The following MMP21 variants were observed in gnomAD, a reference collection of about 807,000 sequenced individuals.
MMP21 encodes the protein matrix metallopeptidase 21.
MMP21 carries 40 observed loss-of-function variants against 47.8 expected under a neutral mutation model. The ratio of observed to expected loss-of-function variants is 0.84; its 90% CI spans 0.65 to 1.09. MMP21 has a LOEUF of 1.09. Ranked by LOEUF, MMP21 falls within the 50% of genes least tolerant of loss-of-function variation. MMP21 has a pLI of 0.00. For synonymous variants in MMP21, 341 were observed against 318.0 expected (o/e 1.07, Z -0.77); for missense variants, 747 against 775.3 (o/e 0.96, Z 0.43).
At chr10:125,775,480 A>T (rs1850506181) in intron 1 of MMP21, among the ~76,000 whole-genome samples, 180 bp downstream of exon 1, 1 of 152,146 alleles carries the variant, frequency 6.6e-6, no homozygotes, top group South Asian at 2.1e-4. Context: ...TTAAGCATCG[A>T]TTCATGGTTG....
Position 125,772,787 on chromosome 10 carries a change from AT to A in MMP21, c.698-38del. On this transcript the variant is annotated intron_variant, in intron 2 of 6. Coordinates refer to ENST00000368808, the MANE Select transcript of MMP21 (RefSeq NM_147191.1). This position sits in a 1 kb window ranked among gnomAD's most constrained non-coding sequence, Gnocchi z 5.6. ...GAGGAGGAGTTGGTCCCGGTGAAGG[AT>A]GAGTGCCCCCCATACAGACTCCTCA... 5 of 1,605,766 alleles carry A rather than the reference AT, an allele frequency of 3.1e-6. No individual in the cohort carries two copies. The highest frequency in any genetic ancestry group is 4.2e-6 in the Non-Finnish European group (5 of 1,176,748).
At position 125,772,155 on chromosome 10, in the gene MMP21, C is replaced by G; in HGVS notation, c.979+63G>C. The G allele has an allele frequency of 6.3e-7, 1 of 1,593,344 alleles. No individual in the cohort carries two copies. Among genetic ancestry groups the G allele is most frequent in the Non-Finnish European group, 8.6e-7 (1 of 1,165,104 alleles). ...TTCCCAGTGAGGAGTGAGCGGGGTC[C>G]TACAGTGCTCTGGAATACAGTGTCC... On this transcript the variant is annotated intron_variant, in intron 4 of 6. Coordinates refer to ENST00000368808, the MANE Select transcript of MMP21 (RefSeq NM_147191.1). The surrounding 1 kb of genome is among the most constrained non-coding windows in gnomAD (Gnocchi z 5.6).
rs1850507573 is a variant in MMP21, at chr10:125,775,588, C to CGCGCGTGCGCATGTGCCTGTGT, written c.162+50_162+71dup. On this transcript the variant is annotated intron_variant, in intron 1 of 6. Coordinates refer to ENST00000368808, the MANE Select transcript of MMP21 (RefSeq NM_147191.1). ...GCCGGCATCCTGGCCTGTGCCTGTG[C>CGCGCGTGCGCATGTGCCTGTGT]GCGCGTGCGCATGTGCCTGTGTGCA... 13 of 1,483,934 alleles carry CGCGCGTGCGCATGTGCCTGTGT rather than the reference C, an allele frequency of 8.8e-6. No homozygotes were observed. The East Asian group carries it at 2.0e-4, about 23-fold the overall frequency. The allele number at this position is 1,483,934 out of a possible 1,614,324, so 91.9% of individuals were successfully genotyped here.
intron 5 of MMP21, 48 bp downstream of exon 5, chr10:125,770,286 T>G (rs769792888): frequency 1.3e-6 from 2 of 1,591,176 alleles, no homozygotes; most frequent in Non-Finnish European, 1.7e-6. Flanking sequence ...TCCTTCTGAG[T>G]GCATTCGTTT....
chr10:125,768,419 G>A (rs571862916), intron 5 of MMP21, among the ~76,000 whole-genome samples: 9 of 152,258 alleles, frequency 5.9e-5, no homozygotes, highest in East Asian at 1.9e-4. Context: ...TGCTCATTTC[G>A]TGCTCTAAAT....
chr10:125,774,451 G>T, intron 1 of MMP21, 86 bp from the exon 2 acceptor site: 1 of 936,304 alleles, frequency 1.1e-6, no homozygotes, highest in Non-Finnish European at 1.4e-6. Flanking sequence ...GAGAGACAGA[G>T]ACATGGGGAT....
chr10:125,770,656 T>C, intron 4 of MMP21, 65 bp from the exon 5 acceptor site: 1 of 1,561,338 alleles, frequency 6.4e-7, no homozygotes, highest in South Asian at 1.2e-5. Flanking sequence ...TATTTTCATA[T>C]GTGACTTGAA....
At position 125,767,680 on chromosome 10, in the gene MMP21, C is replaced by T; in HGVS notation, c.1262G>A (p.Ser421Asn). ...FQGNQYWRYD[S>N]DKDQALTEDE... ...TTCTGTGAGGGCCTGATCCTTGTCACTGTCATATCTCCAGTATTGATTTCC... is the reference window on the plus strand; with the variant it reads ...TTCTGTGAGGGCCTGATCCTTGTCATTGTCATATCTCCAGTATTGATTTCC... The change falls in exon 6 of 7, where the codon AGT (serine) becomes AAT (asparagine). Residue 421 changes from serine (S) to asparagine (N), a missense_variant. By Grantham distance (46) the Ser-to-Asn change is conservative. Coordinates refer to ENST00000368808, the MANE Select transcript of MMP21 (RefSeq NM_147191.1). 1.9e-6 allele frequency: 3 copies of T among 1,614,190 alleles called. No individual in the cohort carries two copies. The highest frequency in any genetic ancestry group is 2.5e-6 in the Non-Finnish European group (3 of 1,180,034).
chr10:125,775,130 G>A (rs922276948), intron 1 of MMP21, among the ~76,000 whole-genome samples: 4 of 152,174 alleles, frequency 2.6e-5, no homozygotes, highest in Non-Finnish European at 4.4e-5. Flanking sequence ...GGCCTCATGG[G>A]TCCACTCCCT....
Position 125,767,540 on chromosome 10 carries a change from C to G in MMP21, c.1402G>C (p.Glu468Gln). The change falls in exon 6 of 7, where the codon GAG (glutamate) becomes CAG (glutamine). Residue 468 changes from glutamate to glutamine, a missense_variant. Coordinates refer to ENST00000368808, the MANE Select transcript of MMP21 (RefSeq NM_147191.1). ...RRQKLIYFFK[E>Q]SLVFAFDVNR... ...AAGAGCCTTCTACTTACAAGGGACT[C>G]CTTGAAGAAGTAAATTAACTTCTGT... The G allele has an allele frequency of 6.2e-7, 1 of 1,614,048 alleles. No homozygotes were observed. The highest frequency in any genetic ancestry group is 1.1e-5 in the South Asian group (1 of 91,086).
chr10:125,773,992 C>T lies in MMP21; in HGVS notation c.536G>A (p.Arg179Gln). 6.4e-7 allele frequency: 1 copy of T among 1,559,266 alleles called. No homozygotes were observed. The highest frequency in any genetic ancestry group is 2.4e-5 in the East Asian group (1 of 41,034). ...GCTGCTCAGGGCCTCGCCCAGCAGC[C>T]GCCAGCTCAGCGTCCTCTTGGAGAA... is the stretch of plus-strand genomic sequence containing the variant. ...QAFSKRTLSWRLLGEALSSQL... is the reference protein window; with the variant it reads ...QAFSKRTLSWQLLGEALSSQL... Residue 179 changes from arginine (R) to glutamine (Q), a missense_variant, in exon 2 of 7, where the codon CGG (arginine) becomes CAG (glutamine). Physicochemically the swap from Arg to Gln is conservative, Grantham distance 43. Coordinates refer to ENST00000368808, the MANE Select transcript of MMP21 (RefSeq NM_147191.1). The surrounding 1 kb of genome is among the most constrained non-coding windows in gnomAD (Gnocchi z 4.8).
In MMP21 at chr10:125,772,469, C is replaced by T. The variant is rs1850459663; in HGVS notation, c.838-110G>A. The T allele has an allele frequency of 8.3e-6, 13 of 1,566,900 alleles. No individual in the cohort carries two copies. The South Asian group carries it at 1.3e-4, about 15-fold the overall frequency. ...GGAGCGTTGCTTGTGAAGAGGGGAG[C>T]ACCGGTGGAACTGGGGAGCCATTCC... On this transcript the variant is annotated intron_variant, in intron 3 of 6. Coordinates refer to ENST00000368808, the MANE Select transcript of MMP21 (RefSeq NM_147191.1). The surrounding 1 kb of genome is among the most constrained non-coding windows in gnomAD (Gnocchi z 5.6).
chr10:125,772,762 G>T lies in MMP21; in HGVS notation c.698-12C>A. ...GCCCAGGTGCCGGCCTGGCGAGGGG[G>T]AGGAGGAGTTGGTCCCGGTGAAGGA... On this transcript the variant is annotated splice_polypyrimidine_tract_variant and intron_variant, in intron 2 of 6. Coordinates refer to ENST00000368808, the MANE Select transcript of MMP21 (RefSeq NM_147191.1). The surrounding 1 kb of genome is among the most constrained non-coding windows in gnomAD (Gnocchi z 5.6). The T allele has an allele frequency of 1.2e-6, 2 of 1,610,828 alleles. No homozygotes were observed. Among genetic ancestry groups the T allele is most frequent in the Non-Finnish European group, 1.7e-6 (2 of 1,178,376 alleles).
In MMP21 at chr10:125,766,623, A is replaced by G; in HGVS notation, c.*39T>C. 6.7e-7 allele frequency: 1 copy of G among 1,491,592 alleles called. No individual in the cohort carries two copies. Among genetic ancestry groups the G allele is most frequent in the Non-Finnish European group, 8.9e-7 (1 of 1,118,392 alleles). 92.4% of individuals were successfully genotyped at this position (1,491,592 alleles called of 1,614,324 possible). A position where few individuals can be genotyped will look rare whatever the true frequency, so the allele number is the denominator to read the frequency against. On this transcript the variant is annotated 3_prime_UTR_variant, in exon 7 of 7. Coordinates refer to ENST00000368808, the MANE Select transcript of MMP21 (RefSeq NM_147191.1). ...TCTTTGTAAACAGTATCAGAATTTT[A>G]GCGAAGTCCTATGACCCTCCATTTC...
chr10:125,775,538 C>T (rs1850506830), intron 1 of MMP21, 122 bp downstream of exon 1: 1 of 1,302,844 alleles, frequency 7.7e-7, no homozygotes, highest in Non-Finnish European at 1.0e-6. Flanking sequence ...GCCCAGCCTG[C>T]CTGGCCCTTC....
rs28381302 is a variant in MMP21 at position 125,770,525 on chromosome 10, T to C, written c.1046A>G (p.Glu349Gly). Residue 349 changes from glutamate (E) to glycine (G), a missense_variant, in exon 5 of 7, where the codon GAG becomes GGG. Transcript: ENST00000368808. ...ATATGTGCTAAATCTCACCATCACC[T>C]CTCCATATTGGTTTCTCTCTTTGCG... is the stretch of plus-strand genomic sequence containing the variant. ...WIRKERNQYGEVMVRFSTYFF... is the reference protein window; with the variant it reads ...WIRKERNQYGGVMVRFSTYFF... The C allele has an allele frequency of 3.3e-3, 5,262 of 1,614,042 alleles. 12 individuals are homozygous for C. The highest frequency in any genetic ancestry group is 3.7e-3 in the Non-Finnish European group (4,349 of 1,180,024).
chr10:125,767,479 A>G, intron 6 of MMP21, 53 bp downstream of exon 6: 1 of 1,526,484 alleles, frequency 6.6e-7, no homozygotes, highest in South Asian at 1.2e-5. Flanking sequence ...CATCTGACGA[A>G]TCTCTATTAG....
chr10:125,775,810 G>A lies in MMP21; in HGVS notation c.12C>T (p.Ala4=). ...GCAGCAGTGTCGGACGGAAGATGGA[G>A]GCGGCGAGCATTGGCCTGGTCTGAA... MLA[A]SIFRPTLLLC... Residue 4 remains alanine (A), a synonymous_variant, in exon 1 of 7, where the codon GCC becomes GCT. Transcript: ENST00000368808. 1.2e-6 allele frequency: 2 copies of A among 1,609,086 alleles called. No individual in the cohort carries two copies. Among genetic ancestry groups the A allele is most frequent in the African/African-American group, 1.3e-5 (1 of 74,932 alleles).
At chr10:125,775,639 G>A (rs781692569) in intron 1 of MMP21, 21 bp downstream of exon 1, 1 of 1,586,750 alleles carries the variant, frequency 6.3e-7, no homozygotes, top group Non-Finnish European at 8.6e-7. Flanking sequence ...GGGTATTGCT[G>A]TTCTTCCAGC....
Sources: allele counts gnomAD v4.1 joint callset (sites outside exome capture counted in the v4.1 genomes callset), GRCh38; gene constraint gnomAD v4.1.1; non-coding constraint Gnocchi (gnomAD v3.1); transcripts MANE v1.5; gene names NCBI Gene and HGNC (gene_info 2026-07-23, HGNC 2026-07-21).